PPP2R5A: variants seen among roughly 807,000 people sequenced by gnomAD.
PPP2R5A encodes the protein protein phosphatase 2 regulatory subunit B'alpha.
A neutral mutation model predicts 64.2 loss-of-function variants in PPP2R5A; 25 were observed. The observed-to-expected ratio is 0.39, with a 90% CI of 0.28 to 0.54. The LOEUF is 0.54. Among genes scored for constraint, PPP2R5A ranks in the 20% least tolerant of loss-of-function variants. PPP2R5A has a pLI of 0.67. For synonymous variants in PPP2R5A, 198 were observed against 201.2 expected, an observed-to-expected ratio of 0.98 and a Z score of 0.13; for missense variants, 425 against 576.3, an observed-to-expected ratio of 0.74 and a Z score of 2.69.
chr1:212,360,945 A>G lies in PPP2R5A; in HGVS notation c.*175A>G, dbSNP rs574756153. On this transcript the variant is annotated 3_prime_UTR_variant, in exon 13 of 13. Coordinates refer to ENST00000261461, the MANE Select transcript of PPP2R5A (RefSeq NM_006243.4). ...CGTAGCCCTGTGCTGTATCATGGCC[A>G]TAGTATATTGTAACCTTTGTCTAAT... The G allele has an allele frequency of 2.3e-6, 1 of 439,004 alleles. No individual in the cohort carries two copies. Among genetic ancestry groups the G allele is most frequent in the Non-Finnish European group, 3.9e-6 (1 of 257,600 alleles). The allele number at this position is 439,004 out of a possible 1,614,324, so 27.2% of individuals were successfully genotyped here.
chr1:212,320,793 C>T (rs1395894461), intron 1 of PPP2R5A, among the ~76,000 whole-genome samples: 7 of 137,654 alleles, frequency 5.1e-5, no homozygotes, highest in South Asian at 2.4e-4. Flanking sequence ...CCGGATGGTG[C>T]GGCTGGCCGG....
intron 1 of PPP2R5A, among the ~76,000 whole-genome samples, chr1:212,323,715 AACATTAATTTCTTTCTAGAGGAG>A (rs1659355934): frequency 6.6e-6 from 1 of 152,204 alleles, no homozygotes; most frequent in Admixed American, 6.5e-5. Context: ...AGCTATGAAA[AACATTAATTTCTTTCTAGAGGAG>A]ACCCAGGAGT....
intron 2 of PPP2R5A, 88 bp downstream of exon 2, chr1:212,329,419 T>A (rs1659462514): frequency 5.2e-6 from 6 of 1,150,922 alleles, no homozygotes; most frequent in Non-Finnish European, 7.1e-6. Flanking sequence ...TAAATAAATG[T>A]ACAATAATTA....
At chr1:212,309,379 C>T (rs921450947) in intron 1 of PPP2R5A, 60 of 1,499,976 alleles carry the variant, frequency 4.0e-5, no homozygotes, top group East Asian at 2.5e-4. Context: ...CTTGGGCCGC[C>T]GGAAGGTGGG....
chr1:212,342,306 C>G (rs755727845), intron 4 of PPP2R5A, 26 bp downstream of exon 4: 1 of 1,601,240 alleles, frequency 6.2e-7, no homozygotes, highest in East Asian at 2.2e-5. Context: ...GTCTTAGATT[C>G]TCATATATTC....
At chr1:212,331,774 T>A (rs1046864585) in intron 2 of PPP2R5A, 1 of 152,198 alleles carries the variant, frequency 6.6e-6, no homozygotes, top group Non-Finnish European at 1.5e-5. Flanking sequence ...TAATAAATTA[T>A]GGGATTTAAT....
intron 4 of PPP2R5A, among the ~76,000 whole-genome samples, chr1:212,345,210 T>C (rs1659753999): frequency 6.6e-6 from 1 of 152,080 alleles, no homozygotes; most frequent in Non-Finnish European, 1.5e-5. Context: ...TCCAGTGTTA[T>C]TTTATATATG....
At chr1:212,320,139 T>C (rs1000993708) in intron 1 of PPP2R5A, among the ~76,000 whole-genome samples, 1 of 151,542 alleles carries the variant, frequency 6.6e-6, no homozygotes, top group African/African-American at 2.4e-5. Flanking sequence ...TAGGGAGTGG[T>C]GATGACTCTT....
At chr1:212,344,215 C>G (rs1186373380) in intron 4 of PPP2R5A, among the ~76,000 whole-genome samples, 1 of 152,304 alleles carries the variant, frequency 6.6e-6, no homozygotes, top group East Asian at 1.9e-4. Context: ...CTCAAGTGAT[C>G]CGCCTGCCTT....
At chr1:212,356,901 GTTTCACA>G in intron 9 of PPP2R5A, 42 bp from the exon 10 acceptor site, 1 of 1,423,824 alleles carries the variant, frequency 7.0e-7, no homozygotes, top group Non-Finnish European at 9.5e-7. Context: ...TTCTATATTA[GTTTCACA>G]TAATTTATCA....
At chr1:212,301,258 A>G (rs1305182347) in intron 1 of PPP2R5A, among the ~76,000 whole-genome samples, 1 of 152,098 alleles carries the variant, frequency 6.6e-6, no homozygotes, top group East Asian at 1.9e-4. Flanking sequence ...TGATCTGCCC[A>G]CCTTGGCCCC....
chr1:212,329,216 T>C lies in PPP2R5A; in HGVS notation c.263T>C (p.Val88Ala). ...ATACTGTTTGATTTCATGGACTCTGTTTCAGACTTGAAGAGCAAAGAAATT... is the reference window on the plus strand; with the variant it reads ...ATACTGTTTGATTTCATGGACTCTGCTTCAGACTTGAAGAGCAAAGAAATT... ...CCILFDFMDS[V>A]SDLKSKEIKR... is the part of the protein sequence containing the mutation. The change falls in exon 2 of 13, where the codon GTT becomes GCT. Residue 88 changes from valine (V) to alanine (A), a missense_variant. Physicochemically the swap from Val to Ala is moderately conservative, Grantham distance 64. Around this residue, in one of 4 missense-constraint regions of PPP2R5A, gnomAD observed 140 missense variants for 204.4 expected, o/e 0.68. Transcript: ENST00000261461. The C allele has an allele frequency of 6.2e-7, 1 of 1,613,578 alleles. No individual in the cohort carries two copies. The highest frequency in any genetic ancestry group is 8.5e-7 in the Non-Finnish European group (1 of 1,179,770).
intron 11 of PPP2R5A, chr1:212,357,797 C>CT (rs1558156937): frequency 1.4e-5 from 2 of 139,164 alleles, no homozygotes; most frequent in African/African-American, 2.7e-5. Flanking sequence ...AGCAAGATTC[C>CT]GTCTCCAAAA....
Position 212,344,989 on chromosome 1 carries a change from C to A in PPP2R5A, c.574-814C>A, listed in dbSNP as rs1051193950. 1.1e-4 allele frequency among the ~76,000 whole-genome samples: 17 copies of A among 152,072 alleles called. No individual in the cohort carries two copies. In the East Asian group the frequency reaches 2.7e-3, roughly 24 times the overall value. ...GACCAGCCTGGGCAACATGGTGAAA[C>A]CCCGTCTCTACCAAAAAATATATAA... On this transcript the variant is annotated intron_variant, in intron 4 of 12. Coordinates refer to ENST00000261461, the MANE Select transcript of PPP2R5A (RefSeq NM_006243.4).
intron 8 of PPP2R5A, among the ~76,000 whole-genome samples, chr1:212,350,761 A>G (rs1659861119): frequency 1.3e-5 from 2 of 152,154 alleles, no homozygotes; most frequent in African/African-American, 4.8e-5. Context: ...GTCATGGTTC[A>G]TGCTTGGTAA....
chr1:212,318,935 A>G (rs1659209512), intron 1 of PPP2R5A, among the ~76,000 whole-genome samples: 1 of 152,264 alleles, frequency 6.6e-6, no homozygotes, highest in South Asian at 2.1e-4. Context: ...GGGGGAGTCC[A>G]GGAACTTGTC....
At chr1:212,359,380 T>C (rs1461141372) in intron 12 of PPP2R5A, among the ~76,000 whole-genome samples, 1 of 152,192 alleles carries the variant, frequency 6.6e-6, no homozygotes, top group East Asian at 1.9e-4. Flanking sequence ...AGGGTACTAT[T>C]AATATGTTGT....
rs1333281370 is a variant in PPP2R5A, at chr1:212,361,806, G to T, written c.*1036G>T. 2.0e-5 allele frequency: 3 copies of T among 152,642 alleles called. No individual in the cohort carries two copies. Among genetic ancestry groups the T allele is most frequent in the Non-Finnish European group, 2.9e-5 (2 of 68,030 alleles). The allele number at this position is 152,642 out of a possible 1,614,324, so 9.5% of individuals were successfully genotyped here. A position where few individuals can be genotyped will look rare whatever the true frequency, so the allele number is the denominator to read the frequency against. ...TGTGGAAAACTGTTTTGTAATGAAAGATCTTCATTGGGGGATTGAGCAGCA... is the reference window on the plus strand; with the variant it reads ...TGTGGAAAACTGTTTTGTAATGAAATATCTTCATTGGGGGATTGAGCAGCA... On this transcript the variant is annotated 3_prime_UTR_variant, in exon 13 of 13. Transcript: ENST00000261461.
intron 8 of PPP2R5A, among the ~76,000 whole-genome samples, chr1:212,350,790 T>C (rs1232228448): frequency 1.3e-5 from 2 of 151,620 alleles, no homozygotes; most frequent in African/African-American, 2.4e-5. Flanking sequence ...CAAATAAAAT[T>C]TTATTTAATT....
Sources: allele counts gnomAD v4.1 joint callset (sites outside exome capture counted in the v4.1 genomes callset), GRCh38; gene constraint gnomAD v4.1.1; regional missense constraint gnomAD v4.1.1; transcripts MANE v1.5; gene names NCBI Gene and HGNC (gene_info 2026-07-23, HGNC 2026-07-21).